The following NFIB variants were observed in gnomAD, a reference collection of about 807,000 sequenced individuals.
The protein encoded by NFIB is nuclear factor I B, also known as nuclear factor 1 B-type.
In NFIB, 11 loss-of-function variants were observed where a neutral mutation model predicts 61.5. The ratio of observed to expected loss-of-function variants is 0.18; its 90% CI spans 0.11 to 0.30. NFIB has a LOEUF of 0.30. NFIB is among the 10% of genes least tolerant of loss of function. The pLI is 1.00. For missense variants in NFIB, 471 were observed against 608.9 expected (o/e 0.77, Z 2.38); for synonymous variants, 260 against 216.5 (o/e 1.20, Z -1.76).
chr9:14,289,806 A>C (rs1213435242), intron 2 of NFIB, among the ~76,000 whole-genome samples: 1 of 152,026 alleles, frequency 6.6e-6, no homozygotes, highest in Admixed American at 6.6e-5. Context: ...TCTTACTCAT[A>C]ATATTGAGAT....
chr9:14,443,650 A>G, the NFIB span, among the ~76,000 whole-genome samples: 1 of 152,268 alleles, frequency 6.6e-6, no homozygotes, highest in Non-Finnish European at 1.5e-5. Context: ...TTACTTCCCA[A>G]TTATTTTAAT....
rs116308966 is a variant in NFIB, at chr9:14,373,242, G to A, written c.108+25282C>T. Among the ~76,000 whole-genome samples, 359 of 152,290 alleles carry A rather than the reference G, an allele frequency of 2.4e-3. 1 individual carries two copies. The highest frequency in any genetic ancestry group is 8.4e-3 in the African/African-American group (348 of 41,560). Reference sequence around the variant, plus strand: ...CCCAGGACCTAACAATTTATTGTTGGAACATGTACACCTGGGAATTCTTTT... The same window carrying A: ...CCCAGGACCTAACAATTTATTGTTGAAACATGTACACCTGGGAATTCTTTT... On this transcript the variant is annotated intron_variant, in intron 1 of 8. Transcript: ENST00000380934.
intron 2 of NFIB, among the ~76,000 whole-genome samples, chr9:14,258,088 C>G (rs1219098281): frequency 6.6e-6 from 1 of 152,102 alleles, no homozygotes; most frequent in Admixed American, 6.5e-5. Context: ...ACATAGTTAG[C>G]ATAAAAGAAC....
chr9:14,107,375 A>T (rs1378088585), intron 10 of NFIB, among the ~76,000 whole-genome samples: 3 of 152,058 alleles, frequency 2.0e-5, no homozygotes, highest in Non-Finnish European at 4.4e-5. Flanking sequence ...CTTAAAAGTC[A>T]CTTCTAGTGC....
chr9:14,203,165 ATT>A (rs112873561), intron 2 of NFIB, among the ~76,000 whole-genome samples: 37 of 148,988 alleles, frequency 2.5e-4, no homozygotes, highest in African/African-American at 7.9e-4. Context: ...CAGCCCCCAC[ATT>A]TTTTTTTTCC....
rs183955534 is a variant in NFIB at position 14,236,501 on chromosome 9, T to C, written c.563-56721A>G. The stretch of plus-strand genomic sequence containing the variant: ...GTTGATAGGAAATGATCCATTTTCA[T>C]GTATCTAGATTTAGGACGATGCATG... On this transcript the variant is annotated intron_variant, in intron 2 of 10. Coordinates refer to ENST00000380953, the MANE Select transcript of NFIB (RefSeq NM_001190737.2). Among the ~76,000 whole-genome samples, 5 of 152,354 alleles carry C rather than the reference T, an allele frequency of 3.3e-5. No individual in the cohort carries two copies. In the East Asian group the frequency reaches 9.6e-4, roughly 29 times the overall value.
At chr9:14,150,317 CT>C (rs1479868684) in intron 4 of NFIB, 52 bp from the exon 5 acceptor site, 1 of 1,609,662 alleles carries the variant, frequency 6.2e-7, no homozygotes. Flanking sequence ...TTTCTGACCT[CT>C]ATTCAAATGT....
intron 2 of NFIB, among the ~76,000 whole-genome samples, chr9:14,295,305 T>C (rs2059359675): frequency 6.6e-6 from 1 of 152,180 alleles, no homozygotes; most frequent in South Asian, 2.1e-4. Context: ...AAAAAGAGTC[T>C]GAAAACCAGC....
Position 14,313,793 on chromosome 9 carries a change from C to A in NFIB, c.-282G>T, listed in dbSNP as rs2060405314. 1.5e-6 allele frequency: 2 copies of A among 1,329,822 alleles called. No homozygotes were observed. The highest frequency in any genetic ancestry group is 3.0e-5 in the African/African-American group (2 of 66,868). The allele number at this position is 1,329,822 out of a possible 1,614,324, so 82.4% of individuals were successfully genotyped here. A position where few individuals can be genotyped will look rare whatever the true frequency, so the allele number is the denominator to read the frequency against. On this transcript the variant is annotated 5_prime_UTR_variant, in exon 1 of 11. Transcript: ENST00000380953. This position sits in a 1 kb window ranked among gnomAD's most constrained non-coding sequence, Gnocchi z 4.5. ...TGGCCGTGCTTGCCGAGGCCGCCGC[C>A]GCCGCCGGTGTTGGCTGCTTTTCGC...
chr9:14,204,382 C>G, intron 2 of NFIB: 1 of 1,064,108 alleles, frequency 9.4e-7, no homozygotes, highest in Non-Finnish European at 1.4e-6. Context: ...GACAGGACAT[C>G]CAGCCCAAAA....
Position 14,284,149 on chromosome 9 carries a change from T to C in NFIB, c.562+22840A>G, listed in dbSNP as rs148055867. 2.7e-4 allele frequency among the ~76,000 whole-genome samples: 41 copies of C among 152,308 alleles called. No homozygotes were observed. The East Asian group carries it at 7.5e-3, about 28-fold the overall frequency. On this transcript the variant is annotated intron_variant, in intron 2 of 10. Transcript: ENST00000380953. ...TCAAGATATTTAACCTCAATTTCTTTATCTATTATTTGATGAGAATACCTA... is the reference window on the plus strand; with the variant it reads ...TCAAGATATTTAACCTCAATTTCTTCATCTATTATTTGATGAGAATACCTA...
intron 2 of NFIB, among the ~76,000 whole-genome samples, chr9:14,229,402 A>T (rs1178352414): frequency 6.6e-6 from 1 of 152,196 alleles, no homozygotes; most frequent in Non-Finnish European, 1.5e-5. Flanking sequence ...CTTCTACAAT[A>T]AATTCATTCA....
the NFIB span, among the ~76,000 whole-genome samples, chr9:14,492,231 T>C: frequency 1.2e-3 from 178 of 151,844 alleles, 1 homozygote; most frequent in Non-Finnish European, 2.0e-3. Flanking sequence ...GGCGTGGTGG[T>C]GGGCACCTGT....
intron 1 of NFIB, among the ~76,000 whole-genome samples, chr9:14,321,542 GGA>G (rs1352407400): frequency 6.6e-6 from 1 of 152,168 alleles, no homozygotes; most frequent in East Asian, 1.9e-4. Context: ...TGCTTCAAGA[GGA>G]GAGAATGGCC....
chr9:14,431,642 T>TG, the NFIB span, among the ~76,000 whole-genome samples: 1 of 151,502 alleles, frequency 6.6e-6, no homozygotes, highest in Non-Finnish European at 1.5e-5. Flanking sequence ...TGTTTTTTTT[T>TG]TTTTTTACTG....
intron 1 of NFIB, among the ~76,000 whole-genome samples, chr9:14,343,049 C>CG (rs111381621): frequency 2.2e-4 from 33 of 150,198 alleles, no homozygotes; most frequent in East Asian, 5.9e-4. Flanking sequence ...TGAGCATGGC[C>CG]GGGGGGGTAG....
At chr9:14,494,498 T>A in the NFIB span, among the ~76,000 whole-genome samples, 21 of 152,342 alleles carry the variant, frequency 1.4e-4, no homozygotes, top group East Asian at 4.1e-3. Context: ...TAGCCTGGAC[T>A]GGCTTCCTGA....
At chr9:14,204,725 A>C (rs2049443031) in intron 2 of NFIB, 3 of 585,072 alleles carry the variant, frequency 5.1e-6, no homozygotes, top group Non-Finnish European at 3.1e-6. Flanking sequence ...TGCATACAAC[A>C]TGGATCCCAT....
the NFIB span, among the ~76,000 whole-genome samples, chr9:14,444,282 C>G: frequency 4.6e-5 from 7 of 152,222 alleles, no homozygotes; most frequent in African/African-American, 1.7e-4. Flanking sequence ...AAAGAACACA[C>G]CTAGGGAGAG....
Sources: allele counts gnomAD v4.1 joint callset (sites outside exome capture counted in the v4.1 genomes callset), GRCh38; gene constraint gnomAD v4.1.1; non-coding constraint Gnocchi (gnomAD v3.1); transcripts MANE v1.5; gene names NCBI Gene and HGNC (gene_info 2026-07-23, HGNC 2026-07-21).